The following TNS1 variants were observed in gnomAD, a reference collection of about 807,000 sequenced individuals.
The protein encoded by TNS1 is tensin 1, also known as tensin-1.
TNS1 carries 62 observed loss-of-function variants against 168.6 expected under a neutral mutation model. The ratio of observed to expected loss-of-function variants is 0.37; its 90% CI spans 0.30 to 0.45. TNS1 has a LOEUF of 0.45. TNS1 is among the 20% of genes least tolerant of loss of function. The pLI is 1.00. For missense variants in TNS1, 2,240 were observed against 2,339.4 expected (o/e 0.96, Z 0.88); for synonymous variants, 934 against 933.2 (o/e 1.00, Z -0.02).
chr2:217,957,603 GTTC>G (rs764723198), intron 3 of TNS1, among the ~76,000 whole-genome samples: 1 of 152,168 alleles, frequency 6.6e-6, no homozygotes, highest in Non-Finnish European at 1.5e-5. Flanking sequence ...CAGCTTCTAT[GTTC>G]TTCTGCCTGA....
chr2:217,961,900 C>T (rs576851571), intron 3 of TNS1, among the ~76,000 whole-genome samples: 2 of 152,308 alleles, frequency 1.3e-5, no homozygotes, highest in South Asian at 2.1e-4. Context: ...GTAAAGGAGG[C>T]TAACCTTGAA....
intron 19 of TNS1, among the ~76,000 whole-genome samples, chr2:217,838,445 C>T (rs1007850982): frequency 2.0e-5 from 3 of 152,234 alleles, no homozygotes; most frequent in African/African-American, 7.2e-5. Flanking sequence ...CCTTCCCAAT[C>T]CTCTCTCCAT....
chr2:217,857,168 C>G (rs1421978700), intron 18 of TNS1, among the ~76,000 whole-genome samples: 2 of 152,206 alleles, frequency 1.3e-5, no homozygotes, highest in African/African-American at 4.8e-5. Context: ...TCCAGGCCCT[C>G]TGGGGGACAG....
chr2:217,827,386 A>G (rs938004099), intron 22 of TNS1, among the ~76,000 whole-genome samples: 2 of 152,132 alleles, frequency 1.3e-5, no homozygotes, highest in Non-Finnish European at 2.9e-5. Context: ...AAGTATCAGC[A>G]AGGAAATCAA....
chr2:217,888,913 C>T (rs3791938), intron 12 of TNS1, among the ~76,000 whole-genome samples: 48,209 of 152,096 alleles, frequency 0.32, 8,000 homozygotes, highest in East Asian at 0.53. Flanking sequence ...GATCCCTGGT[C>T]TTCAGGCCTT....
chr2:217,875,698 C>T (rs914926421), intron 18 of TNS1, among the ~76,000 whole-genome samples: 16 of 152,284 alleles, frequency 1.1e-4, no homozygotes, highest in Admixed American at 9.8e-4. Flanking sequence ...TTGGATAAGC[C>T]CAGCTCATAA....
Position 217,839,968 on chromosome 2 carries a change from C to T in TNS1, c.3008-3757G>A, listed in dbSNP as rs923811559. Reference sequence around the variant, plus strand: ...CTCCCCTTGAGGCAGGCCCACCATCCCAGAACCTGCCCCTACCCAGGCCCA... The same window carrying T: ...CTCCCCTTGAGGCAGGCCCACCATCTCAGAACCTGCCCCTACCCAGGCCCA... On this transcript the variant is annotated intron_variant, in intron 19 of 32. Transcript: ENST00000682258. Among the ~76,000 whole-genome samples, 13 of 152,316 alleles carry T rather than the reference C, an allele frequency of 8.5e-5. 1 individual carries two copies. The highest frequency in any genetic ancestry group is 8.5e-4 in the Admixed American group (13 of 15,306).
intron 32 of TNS1, among the ~76,000 whole-genome samples, chr2:217,807,679 G>A (rs543151152): frequency 1.2e-4 from 19 of 152,224 alleles, no homozygotes; most frequent in African/African-American, 4.3e-4. Flanking sequence ...TGATTTGCTC[G>A]GCCACAAGAC....
Position 217,818,331 on chromosome 2 carries a change from A to G in TNS1, c.4001T>C (p.Val1334Ala), listed in dbSNP as rs754691748. The G allele has an allele frequency of 6.2e-7, 1 of 1,614,068 alleles. No homozygotes were observed. Among genetic ancestry groups the G allele is most frequent in the Non-Finnish European group, 8.5e-7 (1 of 1,179,996 alleles). ...CGCTGCACTGCTCTGGGGGCTGGAG[A>G]CAGTGCTACCATGGAAGCCAGTGCC... ...PPGTGFHGST[V>A]SSPQSSAATT... is the part of the protein sequence containing the mutation. Residue 1334 changes from valine to alanine, a missense_variant, in exon 24 of 33, where the codon GTC becomes GCC. Around this residue, in one of 2 missense-constraint regions of TNS1, gnomAD observed 2,131 missense variants for 2,171.2 expected, o/e 0.98. Coordinates refer to ENST00000682258, the MANE Select transcript of TNS1 (RefSeq NM_001387777.1).
At chr2:217,901,146 CTT>C in intron 6 of TNS1, among the ~76,000 whole-genome samples, 1 of 152,170 alleles carries the variant, frequency 6.6e-6, no homozygotes, top group African/African-American at 2.4e-5. Context: ...GTGGTACAAA[CTT>C]AAGCAAATGG....
intron 14 of TNS1, 110 bp from the exon 15 acceptor site, chr2:217,885,929 G>C (rs1250697924): frequency 1.2e-5 from 18 of 1,551,432 alleles, no homozygotes; most frequent in Non-Finnish European, 1.6e-5. Flanking sequence ...AAACCTCTCT[G>C]ACTCTGTCCT....
At chr2:218,000,364 C>T (rs1958539480) in intron 1 of TNS1, among the ~76,000 whole-genome samples, 1 of 152,164 alleles carries the variant, frequency 6.6e-6, no homozygotes. Context: ...GGTCAGAGTC[C>T]CTGGGCAGTC....
chr2:217,867,804 T>C (rs1949410462), intron 18 of TNS1, among the ~76,000 whole-genome samples: 5 of 152,226 alleles, frequency 3.3e-5, no homozygotes, highest in Admixed American at 3.3e-4. Flanking sequence ...CTGTGCCTCT[T>C]TCAAGTCTTG....
intron 3 of TNS1, among the ~76,000 whole-genome samples, chr2:217,961,254 C>CAGAGAGAGAGAGAGAG (rs1347056666): frequency 3.8e-5 from 5 of 130,126 alleles, no homozygotes; most frequent in African/African-American, 1.2e-4. Context: ...CACACACACA[C>CAGAGAGAGAGAGAGAG]ACACACAGAG....
intron 3 of TNS1, among the ~76,000 whole-genome samples, chr2:217,951,821 A>G (rs1237493949): frequency 2.6e-5 from 4 of 152,228 alleles, no homozygotes; most frequent in Non-Finnish European, 5.9e-5. Flanking sequence ...TGGTAGCTTC[A>G]CAGGCTAGAC....
At chr2:217,831,429 C>T in intron 22 of TNS1, 26 bp downstream of exon 22, 1 of 1,548,974 alleles carries the variant, frequency 6.5e-7, no homozygotes, top group South Asian at 1.2e-5. Flanking sequence ...TGGCCCCCCT[C>T]CCCATCTTCC....
intron 3 of TNS1, among the ~76,000 whole-genome samples, chr2:217,973,530 G>C (rs1957821905): frequency 6.6e-6 from 1 of 152,138 alleles, no homozygotes. Flanking sequence ...ATGTAGAATG[G>C]GGTTTCCATG....
At chr2:217,944,454 G>A (rs1446451289) in intron 3 of TNS1, among the ~76,000 whole-genome samples, 1 of 152,240 alleles carries the variant, frequency 6.6e-6, no homozygotes, top group Non-Finnish European at 1.5e-5. Flanking sequence ...GGGTGGAGAA[G>A]AATGTTTGCT....
At position 217,953,241 on chromosome 2, in the gene TNS1, G is replaced by T. The variant is rs114047166; in HGVS notation, c.186+25524C>A. On this transcript the variant is annotated intron_variant, in intron 3 of 32. Coordinates refer to ENST00000682258, the MANE Select transcript of TNS1 (RefSeq NM_001387777.1). ...TGCCCTCCATTAGATGATCCTAGCA[G>T]AGGCTGGGGCGGAAGGGGTGGGAGA... Among the ~76,000 whole-genome samples, 651 of 152,266 alleles carry T rather than the reference G, an allele frequency of 4.3e-3. 8 individuals are homozygous for T. Among genetic ancestry groups the T allele is most frequent in the African/African-American group, 0.015 (624 of 41,572 alleles).
Sources: gnomAD v4.1 joint callset for allele counts (sites outside exome capture counted in the v4.1 genomes callset) on GRCh38, gnomAD v4.1.1 for gene constraint, gnomAD v4.1.1 regional missense constraint, MANE v1.5 for transcripts, NCBI Gene and HGNC (gene_info 2026-07-23, HGNC 2026-07-21) for gene names.